Variants in SEMA3A observed in about 807,000 individuals in gnomAD.
The protein encoded by SEMA3A is semaphorin 3A.
A neutral mutation model predicts 97.9 loss-of-function variants in SEMA3A; 29 were observed. The ratio of observed to expected loss-of-function variants is 0.30; its 90% CI spans 0.22 to 0.40. The LOEUF (loss-of-function observed/expected upper bound fraction) is 0.40, where lower values mean the gene tolerates loss of function less well. Among genes scored for constraint, SEMA3A ranks in the 10% least tolerant of loss-of-function variants. SEMA3A has a pLI of 1.00. For synonymous variants in SEMA3A, 321 were observed against 323.7 expected (o/e 0.99, Z 0.09); for missense variants, 763 against 951.3 (o/e 0.80, Z 2.60).
Position 84,240,517 on chromosome 7 carries a change from G to C in SEMA3A, c.-82-45849C>G, listed in dbSNP as rs532113238. 5.6e-4 allele frequency among the ~76,000 whole-genome samples: 85 copies of C among 152,280 alleles called. 1 individual carries two copies. The South Asian group carries it at 0.017, about 30-fold the overall frequency. On this transcript the variant is annotated intron_variant, in intron 3 of 3. Transcript: ENST00000424555. ...TGTTACATTGCTGACTTGAGGAAAG[G>C]GCCACGAGAGAGGGAAGATAAATTC...
At chr7:84,163,742 C>T (rs371377868) in intron 1 of SEMA3A, among the ~76,000 whole-genome samples, 13 of 151,952 alleles carry the variant, frequency 8.6e-5, no homozygotes, top group African/African-American at 2.4e-4. Flanking sequence ...ATTCACGATC[C>T]GCTTCCAATT....
chr7:84,105,107 C>T (rs1562785442), intron 4 of SEMA3A, among the ~76,000 whole-genome samples: 1 of 152,086 alleles, frequency 6.6e-6, no homozygotes, highest in African/African-American at 2.4e-5. Flanking sequence ...ATACAGACTC[C>T]AATGTAAGAT....
intron 5 of SEMA3A, among the ~76,000 whole-genome samples, chr7:84,049,626 A>C (rs1249513995): frequency 6.6e-6 from 1 of 152,134 alleles, no homozygotes; most frequent in Admixed American, 6.6e-5. Context: ...TATATTTTTT[A>C]AAAATGCCTG....
intron 4 of SEMA3A, among the ~76,000 whole-genome samples, chr7:84,080,106 A>G (rs1341625324): frequency 3.5e-5 from 5 of 142,486 alleles, no homozygotes; most frequent in African/African-American, 1.4e-4. Context: ...CGCAAGGACA[A>G]AAAACCAAAC....
chr7:84,474,193 C>A (rs1056125863), intron 1 of SEMA3A, among the ~76,000 whole-genome samples: 26 of 152,266 alleles, frequency 1.7e-4, no homozygotes, highest in African/African-American at 6.0e-4. Flanking sequence ...CTAGAGAAAA[C>A]AGTCTATTAT....
intron 1 of SEMA3A, among the ~76,000 whole-genome samples, chr7:84,434,965 T>G (rs936633173): frequency 2.0e-5 from 3 of 152,108 alleles, no homozygotes; most frequent in African/African-American, 7.2e-5. Flanking sequence ...GGATGCTCAC[T>G]CCCACCACTG....
chr7:84,482,267 C>T (rs1011188018), intron 1 of SEMA3A, among the ~76,000 whole-genome samples: 1 of 152,038 alleles, frequency 6.6e-6, no homozygotes, highest in Non-Finnish European at 1.5e-5. Flanking sequence ...AATCTCTGAA[C>T]TTTTGGATAA....
rs73711556 is a variant in SEMA3A, at chr7:84,410,014, C to T, written c.-245-38114G>A. ...TTGGAAAAATGATTCATAAGGATCA[C>T]GTAGGGAGTAGCATTGGTTATAGTA... On this transcript the variant is annotated intron_variant, in intron 1 of 3. Coordinates refer to the SEMA3A transcript ENST00000424555. Among the ~76,000 whole-genome samples the T allele has an allele frequency of 1.0e-3, 157 of 151,940 alleles. 1 individual carries two copies. The highest frequency in any genetic ancestry group is 3.6e-3 in the African/African-American group (149 of 41,468).
chr7:84,239,219 A>C (rs768508167), intron 3 of SEMA3A, among the ~76,000 whole-genome samples: 3 of 152,244 alleles, frequency 2.0e-5, no homozygotes, highest in Non-Finnish European at 4.4e-5. Flanking sequence ...CATTTAAAAA[A>C]TTAATAGTTT....
intron 2 of SEMA3A, among the ~76,000 whole-genome samples, chr7:84,328,783 A>T (rs1013713182): frequency 6.6e-6 from 1 of 152,078 alleles, no homozygotes; most frequent in Admixed American, 6.6e-5. Context: ...ATGCAGTCTC[A>T]GCAGAAAAGG....
intron 3 of SEMA3A, among the ~76,000 whole-genome samples, chr7:84,222,430 T>C (rs1313537427): frequency 6.6e-6 from 1 of 151,868 alleles, no homozygotes; most frequent in Non-Finnish European, 1.5e-5. Context: ...CAGGAATAGC[T>C]ATAAGCAGGC....
At chr7:84,324,569 TATATATACATTGGCAATC>T (rs1801728629) in intron 2 of SEMA3A, among the ~76,000 whole-genome samples, 1 of 152,184 alleles carries the variant, frequency 6.6e-6, no homozygotes. Context: ...AAATGGTAAT[TATATATACATTGGCAATC>T]ATATTTTATT....
intron 1 of SEMA3A, among the ~76,000 whole-genome samples, chr7:84,397,569 T>A (rs1228067348): frequency 2.0e-5 from 3 of 151,224 alleles, no homozygotes; most frequent in Non-Finnish European, 4.4e-5. Flanking sequence ...TTTTTAACTT[T>A]TAAGCTCAGA....
chr7:84,218,936 T>C (rs1798812393), intron 3 of SEMA3A, among the ~76,000 whole-genome samples: 6 of 152,142 alleles, frequency 3.9e-5, no homozygotes, highest in Admixed American at 3.9e-4. Context: ...TCAATCCTAC[T>C]CAAAATAGGA....
intron 1 of SEMA3A, among the ~76,000 whole-genome samples, chr7:84,375,795 T>C (rs952712022): frequency 2.6e-5 from 4 of 152,184 alleles, no homozygotes; most frequent in African/African-American, 9.6e-5. Context: ...TTATTTCTCA[T>C]ATTTAGTTCC....
chr7:84,325,367 G>T (rs2115926786), intron 2 of SEMA3A, among the ~76,000 whole-genome samples: 1 of 152,212 alleles, frequency 6.6e-6, no homozygotes, highest in African/African-American at 2.4e-5. Flanking sequence ...GTGATGAGTG[G>T]TGCTGTTTTA....
chr7:84,200,789 T>TTA (rs2116295645), intron 3 of SEMA3A, among the ~76,000 whole-genome samples: 1 of 107,258 alleles, frequency 9.3e-6, no homozygotes, highest in African/African-American at 3.4e-5. Flanking sequence ...AATACCTGGG[T>TTA]TTTTTTTCCT....
intron 1 of SEMA3A, among the ~76,000 whole-genome samples, chr7:84,140,492 C>T (rs1796264583): frequency 6.6e-6 from 1 of 152,118 alleles, no homozygotes; most frequent in African/African-American, 2.4e-5. Flanking sequence ...TAGGACCCCA[C>T]CAGTTGCTGG....
intron 3 of SEMA3A, among the ~76,000 whole-genome samples, chr7:84,297,954 G>A (rs1800909332): frequency 6.6e-6 from 1 of 152,124 alleles, no homozygotes; most frequent in Non-Finnish European, 1.5e-5. Context: ...TAATCCCAAG[G>A]CATCATTTTA....
Sources: allele counts gnomAD v4.1 joint callset (sites outside exome capture counted in the v4.1 genomes callset), GRCh38; gene constraint gnomAD v4.1.1; transcripts MANE v1.5; gene names NCBI Gene and HGNC (gene_info 2026-07-23, HGNC 2026-07-21).